Variants in VPS13D observed in about 807,000 individuals in gnomAD.
The protein encoded by VPS13D is intermembrane lipid transfer protein VPS13D.
A neutral mutation model predicts 461.9 loss-of-function variants in VPS13D; 187 were observed. The observed-to-expected ratio is 0.40, with a 90% CI of 0.36 to 0.46. VPS13D has a LOEUF of 0.46. Among genes scored for constraint, VPS13D ranks in the 20% least tolerant of loss-of-function variants. The pLI is 0.60. For synonymous variants in VPS13D, 1,951 were observed against 1,986.3 expected, an observed-to-expected ratio of 0.98 and a Z score of 0.47; for missense variants, 4,711 against 5,364.9, an observed-to-expected ratio of 0.88 and a Z score of 3.81.
At position 12,473,486 on chromosome 1, in the gene VPS13D, G is replaced by A. The variant is rs1405408223; in HGVS notation, c.12662+13090G>A. On this transcript the variant is annotated intron_variant, in intron 67 of 69. Transcript: ENST00000620676. The surrounding 1 kb of genome is among the most constrained non-coding windows in gnomAD (Gnocchi z 4.2). ...GGTTTGAGTCATTGGGCTGCTGCTT[G>A]GCTGTGACCTGGAACAAGTTTTTCC... Among the ~76,000 whole-genome samples, 1 of 152,124 alleles carries A rather than the reference G, an allele frequency of 6.6e-6. No individual in the cohort carries two copies. Among genetic ancestry groups the A allele is most frequent in the Non-Finnish European group, 1.5e-5 (1 of 68,020 alleles).
At chr1:12,234,493 C>G (rs1640085317) in intron 2 of VPS13D, 130 bp downstream of exon 2, 1 of 582,588 alleles carries the variant, frequency 1.7e-6, no homozygotes, top group Non-Finnish European at 2.9e-6. Flanking sequence ...AAAAAGGTCC[C>G]ATATCATCCT....
intron 38 of VPS13D, among the ~76,000 whole-genome samples, chr1:12,333,668 G>A (rs1489208424): frequency 2.1e-4 from 32 of 152,202 alleles, no homozygotes; most frequent in Admixed American, 2.1e-3. Context: ...TAAATGTCCT[G>A]GAAGTGAGTT....
In VPS13D at chr1:12,500,765, G is replaced by C. The variant is rs551074159; in HGVS notation, c.12794+3134G>C. Among the ~76,000 whole-genome samples, 7 of 151,152 alleles carry C rather than the reference G, an allele frequency of 4.6e-5. No homozygotes were observed. The East Asian group carries it at 1.4e-3, about 31-fold the overall frequency. On this transcript the variant is annotated intron_variant, in intron 68 of 69. Coordinates refer to ENST00000620676, the MANE Select transcript of VPS13D (RefSeq NM_015378.4). ...GATGAGGTCTCGCCATGTTGCCCAG[G>C]CTGGTCCGAACTCCTGGCCTCAAGT... is the stretch of plus-strand genomic sequence containing the variant.
At chr1:12,346,236 T>C (rs539627043) in intron 43 of VPS13D, among the ~76,000 whole-genome samples, 2 of 152,324 alleles carry the variant, frequency 1.3e-5, no homozygotes, top group South Asian at 4.1e-4. Context: ...CAACTGTCCA[T>C]TTTTACTGTT....
chr1:12,400,161 C>CT lies in VPS13D; in HGVS notation c.11635-19dup. ...CTGGTCTGTTTTTGTTTTTGCTTTG[C>CT]TACCTTTCCATGGCCGTAGGTGGAC... On this transcript the variant is annotated intron_variant, in intron 60 of 69. Transcript: ENST00000620676. 6.2e-7 allele frequency: 1 copy of CT among 1,608,462 alleles called. No homozygotes were observed. Among genetic ancestry groups the CT allele is most frequent in the Non-Finnish European group, 8.5e-7 (1 of 1,176,860 alleles).
At chr1:12,425,603 A>T (rs920102322) in intron 65 of VPS13D, among the ~76,000 whole-genome samples, 2 of 151,488 alleles carry the variant, frequency 1.3e-5, no homozygotes, top group Non-Finnish European at 2.9e-5. Context: ...GAGTGTAGCC[A>T]TCATTTATTA....
At chr1:12,313,331 A>G (rs1642807177) in intron 29 of VPS13D, among the ~76,000 whole-genome samples, 1 of 132,352 alleles carries the variant, frequency 7.6e-6, no homozygotes, top group Non-Finnish European at 1.6e-5. Flanking sequence ...TTTTTAAGAC[A>G]GAATCTCTCT....
rs765994147 is a variant in VPS13D, at chr1:12,283,501, C to T, written c.5399C>T (p.Ser1800Phe). ...FLVDKKHPEF[S>F]SSYNRVNRSI... is the part of the protein sequence containing the mutation. The stretch of plus-strand genomic sequence containing the variant: ...GTAGATAAGAAACATCCAGAATTCT[C>T]TTCCAGTTACAATCGAGTTAACCGG... The change falls in exon 21 of 70, where the codon TCT becomes TTT. Residue 1800 changes from serine (S) to phenylalanine (F), a missense_variant. Around this residue, in one of 3 missense-constraint regions of VPS13D, gnomAD observed 4,411 missense variants for 4,937.8 expected, o/e 0.89. Transcript: ENST00000620676. 2 of 1,614,244 alleles carry T rather than the reference C, an allele frequency of 1.2e-6. No individual in the cohort carries two copies. Among genetic ancestry groups the T allele is most frequent in the Non-Finnish European group, 8.5e-7 (1 of 1,180,032 alleles).
At chr1:12,281,174 A>G (rs1641769898) in intron 20 of VPS13D, among the ~76,000 whole-genome samples, 1 of 152,060 alleles carries the variant, frequency 6.6e-6, no homozygotes, top group African/African-American at 2.4e-5. Flanking sequence ...TTCTTACATA[A>G]CCACAGTGGT....
rs749735190 is a variant in VPS13D at position 12,354,016 on chromosome 1, G to A, written c.9474G>A (p.Met3158Ile). The A allele has an allele frequency of 6.2e-7, 1 of 1,614,080 alleles. No individual in the cohort carries two copies. The highest frequency in any genetic ancestry group is 1.1e-5 in the South Asian group (1 of 91,076). Residue 3158 changes from methionine to isoleucine, a missense_variant, in exon 47 of 70, where the codon ATG becomes ATA. Physicochemically the swap from Met to Ile is conservative, Grantham distance 10. Coordinates refer to ENST00000620676, the MANE Select transcript of VPS13D (RefSeq NM_015378.4). The part of the protein sequence containing the change: ...AIKKENYPDY[M>I]PSNIFSDSAK... ...AGAAAGAGAATTATCCAGATTATAT[G>A]CCCTCAAACATATTTTCTGACAGTG...
In VPS13D at chr1:12,383,138, C is replaced by A. The variant is rs1644304843; in HGVS notation, c.11353C>A (p.Pro3785Thr). The A allele has an allele frequency of 6.2e-7, 1 of 1,613,276 alleles. No individual in the cohort carries two copies. Among genetic ancestry groups the A allele is most frequent in the African/African-American group, 1.3e-5 (1 of 74,956 alleles). ...ATCCATCAGAGTCATCCCAGATGGA[C>A]CAACTAGAGCACTCCAGGTGATAAT... Reference protein sequence around the residue: ...MLSIRVIPDGPTRALQITDFC... With the variant: ...MLSIRVIPDGTTRALQITDFC... The change falls in exon 58 of 70, where the codon CCA becomes ACA. Residue 3785 changes from proline to threonine, a missense_variant. Physicochemically the swap from Pro to Thr is conservative, Grantham distance 38. This residue lies in a region of VPS13D where 4,411 missense variants were observed against 4,937.8 expected (regional missense o/e 0.89). Coordinates refer to ENST00000620676, the MANE Select transcript of VPS13D (RefSeq NM_015378.4).
chr1:12,414,672 T>A (rs1644772424), intron 63 of VPS13D, among the ~76,000 whole-genome samples: 1 of 152,182 alleles, frequency 6.6e-6, no homozygotes, highest in Non-Finnish European at 1.5e-5. Flanking sequence ...GGGATAACAG[T>A]CTGCTTTCTG....
chr1:12,230,913 G>A (rs1212928826), intron 1 of VPS13D, among the ~76,000 whole-genome samples: 1 of 152,136 alleles, frequency 6.6e-6, no homozygotes, highest in Non-Finnish European at 1.5e-5. Flanking sequence ...AGCTGGGGGC[G>A]GGAGGGTTGT....
chr1:12,248,899 A>G (rs1377412469), intron 5 of VPS13D, among the ~76,000 whole-genome samples: 1 of 152,150 alleles, frequency 6.6e-6, no homozygotes, highest in Non-Finnish European at 1.5e-5. Context: ...AAAGTATTGG[A>G]GCTCTTTTGG....
chr1:12,414,220 G>A (rs1379633206), intron 63 of VPS13D, among the ~76,000 whole-genome samples: 2 of 152,166 alleles, frequency 1.3e-5, no homozygotes, highest in South Asian at 2.1e-4. Flanking sequence ...GGAGGTCAAG[G>A]CCGCAGTGAG....
intron 65 of VPS13D, among the ~76,000 whole-genome samples, chr1:12,429,990 A>G (rs1189965899): frequency 6.6e-6 from 1 of 152,218 alleles, no homozygotes; most frequent in African/African-American, 2.4e-5. Context: ...GAATTTATAT[A>G]ATAAAACATT....
chr1:12,367,574 AT>A (rs1557736402), intron 52 of VPS13D: 1 of 151,332 alleles, frequency 6.6e-6, no homozygotes, highest in Non-Finnish European at 1.5e-5. Flanking sequence ...TTATTTATTT[AT>A]TTATTTATTT....
chr1:12,508,985 A>G lies in VPS13D; in HGVS notation c.13128A>G (p.Arg4376=). The change falls in exon 70 of 70, where the codon AGA becomes AGG. Residue 4376 remains arginine (R), a synonymous_variant. Transcript: ENST00000620676. ...ACTATGAACAGCAGCTTATGTTAAG[A>G]CTCAGCGAAAACCGAGAGCAGCTGG... ...SLYYEQQLML[R]LSENREQLEL... is the part of the protein sequence containing the mutation. 6.2e-7 allele frequency: 1 copy of G among 1,614,144 alleles called. No individual in the cohort carries two copies. The highest frequency in any genetic ancestry group is 8.5e-7 in the Non-Finnish European group (1 of 1,180,032).
intron 10 of VPS13D, among the ~76,000 whole-genome samples, chr1:12,259,501 G>A (rs1030661526): frequency 3.0e-4 from 46 of 151,740 alleles, no homozygotes; most frequent in African/African-American, 1.1e-3. Flanking sequence ...ACAGGGTTTC[G>A]CTGTGTTGCC....
Sources: allele counts gnomAD v4.1 joint callset (sites outside exome capture counted in the v4.1 genomes callset), GRCh38; gene constraint gnomAD v4.1.1; regional missense constraint gnomAD v4.1.1; non-coding constraint Gnocchi (gnomAD v3.1); transcripts MANE v1.5; gene names NCBI Gene and HGNC (gene_info 2026-07-23, HGNC 2026-07-21).